Variants in SASH1 observed in about 807,000 individuals in gnomAD.
SASH1 encodes SAM and SH3 domain-containing protein 1.
A neutral mutation model predicts 125.2 loss-of-function variants in SASH1; 44 were observed. The observed-to-expected ratio is 0.35, with a 90% CI of 0.28 to 0.45. SASH1 has a LOEUF of 0.45. Among genes scored for constraint, SASH1 ranks in the 20% least tolerant of loss-of-function variants. The pLI is 1.00. For synonymous variants in SASH1, 639 were observed against 649.1 expected (o/e 0.98, Z 0.24); for missense variants, 1,426 against 1,614.5 (o/e 0.88, Z 2.00).
At chr6:148,284,364 A>C (rs918641556) in intron 1 of SASH1, among the ~76,000 whole-genome samples, 1 of 152,096 alleles carries the variant, frequency 6.6e-6, no homozygotes, top group Non-Finnish European at 1.5e-5. Flanking sequence ...GCTTGAACCC[A>C]GGAGGCAGAG....
rs1583237488 is a variant in SASH1 at position 148,486,638 on chromosome 6, G to A, written c.628-976G>A. ...ATTGTTAAAAATCTGTTTCAGGGTC[G>A]GGTATGGTGGCTCACACCTGTAACC... On this transcript the variant is annotated intron_variant, in intron 7 of 19. Transcript: ENST00000367467. 2.6e-5 allele frequency among the ~76,000 whole-genome samples: 4 copies of A among 151,362 alleles called. No individual in the cohort carries two copies. In the East Asian group the frequency reaches 5.9e-4, roughly 22 times the overall value.
chr6:148,309,029 A>G (rs1431677743), intron 1 of SASH1, among the ~76,000 whole-genome samples: 2 of 149,144 alleles, frequency 1.3e-5, no homozygotes, highest in East Asian at 4.1e-4. Context: ...GGTTGCAGTG[A>G]GCCAAGATTT....
At chr6:148,251,024 A>C in the SASH1 span, among the ~76,000 whole-genome samples, 2 of 152,204 alleles carry the variant, frequency 1.3e-5, no homozygotes, top group Non-Finnish European at 2.9e-5. Context: ...AGTCATCCTT[A>C]GTAGCTGATG....
In SASH1 at chr6:148,540,485, A is replaced by G. The variant is rs1206333206; in HGVS notation, c.2138A>G (p.Asp713Gly). 6.2e-7 allele frequency: 1 copy of G among 1,614,082 alleles called. No homozygotes were observed. Among genetic ancestry groups the G allele is most frequent in the South Asian group, 1.1e-5 (1 of 91,054 alleles). Reference sequence around the variant, plus strand: ...GGATCCCAGGAGAAGCTGCTCGTTGACAGCCAGGGCCTGAGTGGATGCTCA... The same window carrying G: ...GGATCCCAGGAGAAGCTGCTCGTTGGCAGCCAGGGCCTGAGTGGATGCTCA... ...QSGSQEKLLV[D>G]SQGLSGCSPR... Residue 713 changes from aspartate (D) to glycine (G), a missense_variant, in exon 17 of 20, where the codon GAC becomes GGC. This residue lies in a region of SASH1 where 634 missense variants were observed against 694.4 expected (regional missense o/e 0.91). Coordinates refer to ENST00000367467, the MANE Select transcript of SASH1 (RefSeq NM_015278.5).
At chr6:148,229,673 T>C in the SASH1 span, among the ~76,000 whole-genome samples, 1 of 151,940 alleles carries the variant, frequency 6.6e-6, no homozygotes, top group Non-Finnish European at 1.5e-5. Flanking sequence ...ACTTCTCATA[T>C]ATTCACAAAG....
intron 2 of SASH1, among the ~76,000 whole-genome samples, chr6:148,416,540 A>T (rs1784825949): frequency 6.6e-6 from 1 of 152,178 alleles, no homozygotes; most frequent in Non-Finnish European, 1.5e-5. Flanking sequence ...TATGTGTCGC[A>T]AAACCCTTCA....
chr6:148,544,934 G>A lies in SASH1; in HGVS notation c.3348+116G>A, dbSNP rs902614294. The A allele has an allele frequency of 4.1e-6, 4 of 974,024 alleles. No individual in the cohort carries two copies. The African/African-American group carries it at 4.9e-5, about 12-fold the overall frequency. 60.3% of individuals were successfully genotyped at this position (974,024 alleles called of 1,614,324 possible). The stretch of plus-strand genomic sequence containing the variant: ...CCGGTAGCCCGCCCAGTGGACAGGA[G>A]ACACCTGAATCCACGTGTCCACACC... On this transcript the variant is annotated intron_variant, in intron 18 of 19. Coordinates refer to ENST00000367467, the MANE Select transcript of SASH1 (RefSeq NM_015278.5). This position sits in a 1 kb window ranked among gnomAD's most constrained non-coding sequence, Gnocchi z 6.4.
intron 2 of SASH1, among the ~76,000 whole-genome samples, chr6:148,392,128 AAT>A (rs1355211785): frequency 6.6e-6 from 1 of 152,096 alleles, no homozygotes; most frequent in African/African-American, 2.4e-5. Flanking sequence ...CTACTAAAAA[AAT>A]ATAAAATTAG....
chr6:148,448,144 G>GTGTGTGTGTGTA (rs1562419099), intron 4 of SASH1, among the ~76,000 whole-genome samples: 15 of 150,946 alleles, frequency 9.9e-5, no homozygotes, highest in South Asian at 2.1e-4. Context: ...GTGTGTATGT[G>GTGTGTGTGTGTA]TGTGTGTGCG....
At chr6:148,412,617 C>T (rs755570769) in intron 2 of SASH1, among the ~76,000 whole-genome samples, 3 of 152,104 alleles carry the variant, frequency 2.0e-5, no homozygotes, top group Non-Finnish European at 4.4e-5. Flanking sequence ...TTCTTCAGGC[C>T]ATACAAGCAC....
intron 1 of SASH1, among the ~76,000 whole-genome samples, chr6:148,282,485 G>T (rs112148090): frequency 6.6e-6 from 1 of 151,994 alleles, no homozygotes; most frequent in East Asian, 1.9e-4. Context: ...GGGTTCAAGC[G>T]ATTCTCCTGC....
At chr6:148,488,866 G>C (rs756193806) in intron 8 of SASH1, among the ~76,000 whole-genome samples, 15 of 152,104 alleles carry the variant, frequency 9.9e-5, no homozygotes, top group Non-Finnish European at 1.9e-4. Flanking sequence ...CTATTTTCTG[G>C]ATATTAATCC....
At chr6:148,282,395 T>G (rs895851351) in intron 1 of SASH1, among the ~76,000 whole-genome samples, 3 of 152,086 alleles carry the variant, frequency 2.0e-5, no homozygotes, top group Non-Finnish European at 4.4e-5. Flanking sequence ...TTTTTTTTCT[T>G]TTTTGAGATG....
At chr6:148,359,029 C>T (rs1782074264) in intron 1 of SASH1, among the ~76,000 whole-genome samples, 2 of 151,636 alleles carry the variant, frequency 1.3e-5, no homozygotes, top group African/African-American at 2.4e-5. Context: ...GCCACTACAC[C>T]CGGCCCTAAT....
At chr6:148,446,140 A>G (rs1583172055) in intron 4 of SASH1, among the ~76,000 whole-genome samples, 1 of 82,090 alleles carries the variant, frequency 1.2e-5, no homozygotes, top group South Asian at 4.9e-4. Context: ...ACGGAGCCTC[A>G]CTCTGTCGCC....
In SASH1 at chr6:148,465,613, C is replaced by G. The variant is rs563494326; in HGVS notation, c.387-2932C>G. On this transcript the variant is annotated intron_variant, in intron 4 of 19. Transcript: ENST00000367467. The stretch of plus-strand genomic sequence containing the variant: ...GAGGACAAAAATACATATGGGGCTC[C>G]CTGTCCCTCTGGTGGCCCCTTACAG... Among the ~76,000 whole-genome samples the G allele has an allele frequency of 6.6e-5, 10 of 152,156 alleles. No individual in the cohort carries two copies. In the South Asian group the frequency reaches 2.1e-3, roughly 32 times the overall value.
intron 2 of SASH1, among the ~76,000 whole-genome samples, chr6:148,438,059 G>T (rs1776368295): frequency 6.6e-6 from 1 of 152,170 alleles, no homozygotes; most frequent in Non-Finnish European, 1.5e-5. Flanking sequence ...AAAAATGGAG[G>T]AGGGGAGGTG....
At chr6:148,328,739 A>G (rs1780909575) in intron 1 of SASH1, among the ~76,000 whole-genome samples, 1 of 152,192 alleles carries the variant, frequency 6.6e-6, no homozygotes, top group East Asian at 1.9e-4. Flanking sequence ...AAATTAAAGT[A>G]GATTTATTTT....
Position 148,525,335 on chromosome 6 carries a change from G to A in SASH1, c.1254G>A (p.Leu418=), listed in dbSNP as rs2115375513. 6.2e-7 allele frequency: 1 copy of A among 1,614,084 alleles called. No homozygotes were observed. The highest frequency in any genetic ancestry group is 2.2e-5 in the East Asian group (1 of 44,882). Residue 418 remains leucine, a synonymous_variant, in exon 11 of 20, where the codon CTG becomes CTA. Transcript: ENST00000367467. ...GATTTGACTTGACGAATCGCTCTCT[G>A]CACGTTGGCAGTAATAATTCTGACC... ...FGGFDLTNRS[L]HVGSNNSDPM...
Sources: allele counts gnomAD v4.1 joint callset (sites outside exome capture counted in the v4.1 genomes callset), GRCh38; gene constraint gnomAD v4.1.1; regional missense constraint gnomAD v4.1.1; non-coding constraint Gnocchi (gnomAD v3.1); transcripts MANE v1.5; gene names NCBI Gene and HGNC (gene_info 2026-07-23, HGNC 2026-07-21).